The following MROH2A variants were observed in gnomAD, a reference collection of about 807,000 sequenced individuals.
MROH2A encodes maestro heat like repeat family member 2A, also known as maestro heat-like repeat-containing protein family member 2A.
In MROH2A, 174 loss-of-function variants were observed where a neutral mutation model predicts 200.4. That is an observed-to-expected ratio of 0.87 (90% confidence interval 0.77 to 0.98). MROH2A has a LOEUF of 0.98. Among genes scored for constraint, MROH2A ranks in the 50% least tolerant of loss-of-function variants. The pLI is 0.00. For synonymous variants in MROH2A, 829 were observed against 840.4 expected, an observed-to-expected ratio of 0.99 and a Z score of 0.23; for missense variants, 2,045 against 2,139.6, an observed-to-expected ratio of 0.96 and a Z score of 0.87.
chr2:233,785,287 GC>G (rs1701148189), intron 3 of MROH2A, among the ~76,000 whole-genome samples: 2 of 152,136 alleles, frequency 1.3e-5, no homozygotes, highest in African/African-American at 4.8e-5. Flanking sequence ...GGGTAACATA[GC>G]AAGACCACAT....
chr2:233,793,945 A>G lies in MROH2A; in HGVS notation c.822+121A>G, dbSNP rs1186706325. Reference sequence around the variant, plus strand: ...ACTTACTCCCAGGACCCTAGAGGGCAGTGACCTGACTCATGGCAGAGCCGG... The same window carrying G: ...ACTTACTCCCAGGACCCTAGAGGGCGGTGACCTGACTCATGGCAGAGCCGG... On this transcript the variant is annotated intron_variant, in intron 7 of 41. Coordinates refer to ENST00000389758, the MANE Select transcript of MROH2A (RefSeq NM_001394639.1). 1.4e-5 allele frequency: 14 copies of G among 1,031,234 alleles called. No homozygotes were observed. The East Asian group carries it at 4.2e-4, about 31-fold the overall frequency. The allele number at this position is 1,031,234 out of a possible 1,614,324, so 63.9% of individuals were successfully genotyped here.
chr2:233,793,321 G>A (rs1701900376), intron 6 of MROH2A, among the ~76,000 whole-genome samples: 1 of 152,034 alleles, frequency 6.6e-6, no homozygotes, highest in Admixed American at 6.5e-5. Context: ...TGTTCTTGTG[G>A]GCTTATAAAA....
rs113635599 is a variant in MROH2A, at chr2:233,798,232, G to T, written c.1253-542G>T. On this transcript the variant is annotated intron_variant, in intron 11 of 41. Coordinates refer to ENST00000389758, the MANE Select transcript of MROH2A (RefSeq NM_001394639.1). ...TCAGTTGTACAACTAGCAAACACTT[G>T]CCCAGCCCTTACGGTGTGCCAGACT... 6.1e-3 allele frequency among the ~76,000 whole-genome samples: 922 copies of T among 152,326 alleles called. 8 individuals are homozygous for T. The highest frequency in any genetic ancestry group is 0.02 in the African/African-American group (843 of 41,582).
At chr2:233,781,799 A>G (rs1700968833) in intron 3 of MROH2A, among the ~76,000 whole-genome samples, 1 of 152,094 alleles carries the variant, frequency 6.6e-6, no homozygotes, top group African/African-American at 2.4e-5. Flanking sequence ...CTTTGCACAA[A>G]CCAATTTCCT....
chr2:233,789,729 T>G (rs1248485502), intron 4 of MROH2A, 101 bp downstream of exon 4: 5 of 1,450,686 alleles, frequency 3.4e-6, no homozygotes, highest in Non-Finnish European at 4.6e-6. Context: ...CAGTTACCTC[T>G]CAGAGCAGGG....
At chr2:233,823,831 G>A (rs1283626222) in intron 35 of MROH2A, 167 bp downstream of exon 35, 12 of 883,742 alleles carry the variant, frequency 1.4e-5, no homozygotes, top group Non-Finnish European at 1.7e-5. Context: ...TTCATCACAT[G>A]AGTAGTGCAG....
At chr2:233,784,450 C>A (rs540120122) in intron 3 of MROH2A, among the ~76,000 whole-genome samples, 1 of 152,126 alleles carries the variant, frequency 6.6e-6, no homozygotes, top group Non-Finnish European at 1.5e-5. Context: ...TTTTGTGGCC[C>A]AAAATATGGT....
Position 233,779,827 on chromosome 2 carries a change from T to A in MROH2A, c.251T>A (p.Leu84His), listed in dbSNP as rs1282206010. 2 of 1,550,356 alleles carry A rather than the reference T, an allele frequency of 1.3e-6. No homozygotes were observed. The highest frequency in any genetic ancestry group is 1.7e-6 in the Non-Finnish European group (2 of 1,146,964). The change falls in exon 3 of 42, where the codon CTC becomes CAC. Residue 84 changes from leucine (L) to histidine (H), a missense_variant. By Grantham distance (99) the Leu-to-His change is moderately conservative (BLOSUM62 -3). Around this residue, in one of 3 missense-constraint regions of MROH2A, gnomAD observed 831 missense variants for 800.0 expected, o/e 1.04. Transcript: ENST00000389758. Reference protein sequence around the residue: ...TTEPSVVINTLIRCLQVPEIS... With the variant: ...TTEPSVVINTHIRCLQVPEIS... ...GAGCCTTCTGTAGTGATAAACACTC[T>A]CATCCGCTGCCTGCAGGTGCCAGAG...
chr2:233,810,314 A>T (rs1575974686), intron 22 of MROH2A, among the ~76,000 whole-genome samples: 1 of 152,154 alleles, frequency 6.6e-6, no homozygotes, highest in African/African-American at 2.4e-5. Flanking sequence ...TCATGGCGGG[A>T]GACAAAAGGC....
chr2:233,814,621 A>C lies in MROH2A; in HGVS notation c.2800A>C (p.Met934Leu). 6.5e-7 allele frequency: 1 copy of C among 1,550,382 alleles called. No individual in the cohort carries two copies. Among genetic ancestry groups the C allele is most frequent in the Non-Finnish European group, 8.7e-7 (1 of 1,146,918 alleles). ...ANALSSLEQL[M>L]ESLLQRQLDP... ...TGCCCTGAGCTCCCTGGAGCAGCTG[A>C]TGGAGAGCCTCCTGCAGAGGCAGCT... is the stretch of plus-strand genomic sequence containing the variant. Residue 934 changes from methionine (M) to leucine (L), a missense_variant, in exon 26 of 42, where the codon ATG becomes CTG. Physicochemically the swap from Met to Leu is conservative, Grantham distance 15. Coordinates refer to ENST00000389758, the MANE Select transcript of MROH2A (RefSeq NM_001394639.1).
chr2:233,827,501 A>T (rs150572989), intron 35 of MROH2A, among the ~76,000 whole-genome samples: 24 of 152,236 alleles, frequency 1.6e-4, no homozygotes. Flanking sequence ...GTTCTCACTT[A>T]TAAGTGGGAG....
chr2:233,783,937 T>G (rs1214099027), intron 3 of MROH2A, among the ~76,000 whole-genome samples: 1 of 152,192 alleles, frequency 6.6e-6, no homozygotes, highest in Non-Finnish European at 1.5e-5. Context: ...TTCACTCTTT[T>G]TTTTTTATTT....
chr2:233,820,202 C>A lies in MROH2A; in HGVS notation c.3512+146C>A. On this transcript the variant is annotated intron_variant, in intron 31 of 41. Coordinates refer to ENST00000389758, the MANE Select transcript of MROH2A (RefSeq NM_001394639.1). The surrounding 1 kb of genome is among the most constrained non-coding windows in gnomAD (Gnocchi z 4.1). ...GGTCGAAGCCCTCTTCCTGTACCTC[C>A]TGCAGGAGGTGCCAGCCTCCGACGA... 1 of 667,488 alleles carries A rather than the reference C, an allele frequency of 1.5e-6. No homozygotes were observed. The highest frequency in any genetic ancestry group is 2.3e-6 in the Non-Finnish European group (1 of 439,274). 41.3% of individuals were successfully genotyped at this position (667,488 alleles called of 1,614,324 possible).
intron 11 of MROH2A, among the ~76,000 whole-genome samples, chr2:233,796,900 G>A (rs561601022): frequency 6.6e-6 from 1 of 152,210 alleles, no homozygotes; most frequent in Non-Finnish European, 1.5e-5. Context: ...AAAGGGCCTT[G>A]TGCTGCCATT....
In MROH2A at chr2:233,822,923, G is replaced by A. The variant is rs749390529; in HGVS notation, c.3909G>A (p.Lys1303=). 44 of 1,550,506 alleles carry A rather than the reference G, an allele frequency of 2.8e-5. No homozygotes were observed. The highest frequency in any genetic ancestry group is 3.7e-5 in the Non-Finnish European group (42 of 1,147,002). ...KSMQLLFKRV[K]SQHLAHTLDE... Reference sequence around the variant, plus strand: ...TGCAGCTCTTGTTCAAGAGAGTCAAGAGCCAGCACCTGGCACATACCCTGG... The same window carrying A: ...TGCAGCTCTTGTTCAAGAGAGTCAAAAGCCAGCACCTGGCACATACCCTGG... The change falls in exon 34 of 42, where the codon AAG becomes AAA. Residue 1303 remains lysine, a synonymous_variant. Transcript: ENST00000389758.
At position 233,813,728 on chromosome 2, in the gene MROH2A, C is replaced by T; in HGVS notation, c.2710C>T (p.His904Tyr). Residue 904 changes from histidine (H) to tyrosine (Y), a missense_variant, in exon 25 of 42, where the codon CAT becomes TAT. By Grantham distance (83) the His-to-Tyr change is moderately conservative. Coordinates refer to ENST00000389758, the MANE Select transcript of MROH2A (RefSeq NM_001394639.1). ...CAGTGAGCTGATGGATATCAGCATA[C>T]ATTCTGTAATTTCTCTCCAACTCCC... ...ENSELMDISIHSVISLQLPGE... is the reference protein window; with the variant it reads ...ENSELMDISIYSVISLQLPGE... The T allele has an allele frequency of 6.5e-7, 1 of 1,550,256 alleles. No individual in the cohort carries two copies. The highest frequency in any genetic ancestry group is 2.0e-5 in the Admixed American group (1 of 51,002).
At chr2:233,791,677 G>A (rs1235865913) in intron 5 of MROH2A, among the ~76,000 whole-genome samples, 1 of 152,180 alleles carries the variant, frequency 6.6e-6, no homozygotes, top group Non-Finnish European at 1.5e-5. Context: ...AGGCTCGGGA[G>A]GAGTCGTAAG....
chr2:233,780,945 T>G (rs923060844), intron 3 of MROH2A, among the ~76,000 whole-genome samples: 10 of 152,198 alleles, frequency 6.6e-5, no homozygotes, highest in African/African-American at 2.4e-4. Context: ...TTCTATGAGC[T>G]CACCATTTTT....
At chr2:233,813,522 TG>T in intron 24 of MROH2A, 147 bp from the exon 25 acceptor site, 1 of 598,332 alleles carries the variant, frequency 1.7e-6, no homozygotes. Context: ...CCAGGGCCCC[TG>T]GGGAGGGATG....
Sources: allele counts gnomAD v4.1 joint callset (sites outside exome capture counted in the v4.1 genomes callset), GRCh38; gene constraint gnomAD v4.1.1; regional missense constraint gnomAD v4.1.1; non-coding constraint Gnocchi (gnomAD v3.1); transcripts MANE v1.5; gene names NCBI Gene and HGNC (gene_info 2026-07-23, HGNC 2026-07-21).